STIM2: variants seen among roughly 807,000 people sequenced by gnomAD.
STIM2 encodes the protein stromal interaction molecule 2.
A neutral mutation model predicts 85.8 loss-of-function variants in STIM2; 31 were observed. The observed-to-expected ratio is 0.36, with a 90% CI of 0.27 to 0.49. The LOEUF (loss-of-function observed/expected upper bound fraction) is 0.49. Ranked by LOEUF, STIM2 falls within the 20% of genes least tolerant of loss-of-function variation. The pLI, the probability that STIM2 is intolerant of heterozygous loss-of-function variation, is 0.98. For missense variants in STIM2, 841 were observed against 927.6 expected (o/e 0.91, Z 1.21); for synonymous variants, 356 against 331.1 (o/e 1.08, Z -0.82).
chr4:26,966,269 T>A (rs1036335473), intron 3 of STIM2, among the ~76,000 whole-genome samples: 1 of 152,180 alleles, frequency 6.6e-6, no homozygotes, highest in Non-Finnish European at 1.5e-5. Flanking sequence ...TGCATATGAA[T>A]GTGTGTTACA....
chr4:26,886,940 T>C (rs554570123), intron 1 of STIM2, among the ~76,000 whole-genome samples: 1 of 152,266 alleles, frequency 6.6e-6, no homozygotes, highest in East Asian at 1.9e-4. Context: ...CCTTGTTAGC[T>C]ATGGAGGTGG....
chr4:26,868,065 CT>C (rs1412023697), intron 1 of STIM2, among the ~76,000 whole-genome samples: 1 of 152,220 alleles, frequency 6.6e-6, no homozygotes, highest in Non-Finnish European at 1.5e-5. Flanking sequence ...TTCTACTAGG[CT>C]TTGTCAGCCA....
intron 3 of STIM2, among the ~76,000 whole-genome samples, chr4:26,968,340 A>G (rs1161532227): frequency 2.6e-5 from 4 of 152,178 alleles, no homozygotes; most frequent in Admixed American, 6.5e-5. Context: ...TATGCATACA[A>G]TGGAATAGTA....
At chr4:26,880,879 G>C (rs941404984) in intron 1 of STIM2, among the ~76,000 whole-genome samples, 5 of 151,104 alleles carry the variant, frequency 3.3e-5, no homozygotes, top group Non-Finnish European at 4.4e-5. Flanking sequence ...TTCTTCTCTT[G>C]TATACATAGG....
intron 1 of STIM2, among the ~76,000 whole-genome samples, chr4:26,893,193 G>A (rs1723559049): frequency 6.6e-6 from 1 of 152,020 alleles, no homozygotes; most frequent in Admixed American, 6.6e-5. Flanking sequence ...ATAATAAAGG[G>A]AACCATTAAA....
chr4:26,990,357 G>A (rs1187541913), intron 3 of STIM2, among the ~76,000 whole-genome samples: 1 of 152,124 alleles, frequency 6.6e-6, no homozygotes, highest in Non-Finnish European at 1.5e-5. Flanking sequence ...CATTGGGGAA[G>A]GAATGGTCTG....
At chr4:27,009,947 C>G (rs1560239259) in intron 10 of STIM2, among the ~76,000 whole-genome samples, 1 of 152,124 alleles carries the variant, frequency 6.6e-6, no homozygotes, top group South Asian at 2.1e-4. Flanking sequence ...AGTGCATTAT[C>G]TAGATTAACT....
chr4:27,018,224 G>T (rs1411847205), intron 11 of STIM2, among the ~76,000 whole-genome samples: 3 of 152,110 alleles, frequency 2.0e-5, no homozygotes, highest in Non-Finnish European at 4.4e-5. Flanking sequence ...CATGGTGTTG[G>T]CCAGGCTGCA....
At chr4:27,015,624 T>A (rs1390003957) in intron 10 of STIM2, among the ~76,000 whole-genome samples, 2 of 151,978 alleles carry the variant, frequency 1.3e-5, no homozygotes, top group Non-Finnish European at 2.9e-5. Flanking sequence ...TATTTCTCAG[T>A]TATTTTGAGG....
Position 27,024,291 on chromosome 4 carries a change from G to C in STIM2, c.*1295G>C, listed in dbSNP as rs894693754. The C allele has an allele frequency of 1.3e-5, 2 of 152,120 alleles. No individual in the cohort carries two copies. Among genetic ancestry groups the C allele is most frequent in the African/African-American group, 4.8e-5 (2 of 41,432 alleles). The allele number at this position is 152,120 out of a possible 1,614,324, so 9.4% of individuals were successfully genotyped here. On this transcript the variant is annotated 3_prime_UTR_variant, in exon 12 of 12. Coordinates refer to ENST00000467087, the MANE Select transcript of STIM2 (RefSeq NM_020860.4). ...ACAGTAGAGAGTTAAGTTCCATATA[G>C]CAACAAAGTATGTTAACATCTAGGG...
chr4:27,021,934 A>G (rs548285585), intron 11 of STIM2, among the ~76,000 whole-genome samples: 1 of 152,260 alleles, frequency 6.6e-6, no homozygotes, highest in African/African-American at 2.4e-5. Flanking sequence ...AATTTACTGA[A>G]TGTCTGTTTT....
intron 7 of STIM2, among the ~76,000 whole-genome samples, 187 bp from the exon 8 acceptor site, chr4:27,007,346 G>A (rs1728399106): frequency 6.8e-6 from 1 of 146,456 alleles, no homozygotes; most frequent in Admixed American, 6.9e-5. Context: ...ACGGAGTCTC[G>A]CTCTGTTGTC....
At chr4:26,970,810 A>G (rs1265134673) in intron 3 of STIM2, among the ~76,000 whole-genome samples, 2 of 152,200 alleles carry the variant, frequency 1.3e-5, no homozygotes, top group Non-Finnish European at 2.9e-5. Context: ...TCCTTGAGGA[A>G]TCACCACACT....
At chr4:26,871,744 T>A (rs1722624760) in intron 1 of STIM2, among the ~76,000 whole-genome samples, 1 of 147,106 alleles carries the variant, frequency 6.8e-6, no homozygotes, top group Admixed American at 7.0e-5. Context: ...AGTCTGAGTA[T>A]GTTGCCCAGG....
At chr4:26,912,133 T>C (rs1212166020) in intron 1 of STIM2, among the ~76,000 whole-genome samples, 1 of 152,244 alleles carries the variant, frequency 6.6e-6, no homozygotes, top group East Asian at 1.9e-4. Flanking sequence ...GAGCGATTAG[T>C]GGAAGTACTA....
chr4:27,012,397 T>C (rs1723352637), intron 10 of STIM2, among the ~76,000 whole-genome samples: 1 of 152,056 alleles, frequency 6.6e-6, no homozygotes, highest in African/African-American at 2.4e-5. Context: ...CTTTTCTATC[T>C]TTAAGTAAAA....
At chr4:26,965,793 A>G (rs557707296) in intron 3 of STIM2, among the ~76,000 whole-genome samples, 29 of 152,182 alleles carry the variant, frequency 1.9e-4, no homozygotes, top group African/African-American at 4.1e-4. Context: ...CCTTCTTTAC[A>G]TAGATTGTTC....
intron 1 of STIM2, among the ~76,000 whole-genome samples, chr4:26,902,164 T>C (rs1723948133): frequency 6.6e-6 from 1 of 152,068 alleles, no homozygotes; most frequent in Non-Finnish European, 1.5e-5. Flanking sequence ...TGTAGCGTGG[T>C]GGTGCTAGAG....
chr4:26,982,614 AAT>A (rs1203046354), intron 3 of STIM2, among the ~76,000 whole-genome samples: 1 of 152,060 alleles, frequency 6.6e-6, no homozygotes, highest in Non-Finnish European at 1.5e-5. Flanking sequence ...TCTTAACCTC[AAT>A]CCTGGAAACA....
Sources: gnomAD v4.1 joint callset for allele counts (sites outside exome capture counted in the v4.1 genomes callset) on GRCh38, gnomAD v4.1.1 for gene constraint, MANE v1.5 for transcripts, NCBI Gene and HGNC (gene_info 2026-07-23, HGNC 2026-07-21) for gene names.